Variants in ITGA9 observed in about 807,000 individuals in gnomAD.
The protein encoded by ITGA9 is integrin alpha-9.
Under a neutral mutation model 127.8 loss-of-function variants are expected in ITGA9, and 56 were observed. The observed-to-expected ratio is 0.44, with a 90% CI of 0.35 to 0.55. ITGA9 has a LOEUF of 0.55. Among genes scored for constraint, ITGA9 ranks in the 20% least tolerant of loss-of-function variants. The pLI is 0.00. For missense variants in ITGA9, 1,196 were observed against 1,347.1 expected (o/e 0.89, Z 1.76); for synonymous variants, 508 against 514.5 (o/e 0.99, Z 0.17).
At chr3:37,582,549 G>A (rs377639869) in intron 15 of ITGA9, among the ~76,000 whole-genome samples, 85 of 152,344 alleles carry the variant, frequency 5.6e-4, no homozygotes, top group African/African-American at 1.9e-3. Flanking sequence ...AGTAGAGTAA[G>A]TAGTGACTGC....
Position 37,461,155 on chromosome 3 carries a change from G to A in ITGA9, c.185+8596G>A, listed in dbSNP as rs180956259. Among the ~76,000 whole-genome samples, 185 of 152,282 alleles carry A rather than the reference G, an allele frequency of 1.2e-3. 1 individual carries two copies. The highest frequency in any genetic ancestry group is 4.4e-3 in the African/African-American group (181 of 41,578). On this transcript the variant is annotated intron_variant, in intron 1 of 27. Transcript: ENST00000264741. Reference sequence around the variant, plus strand: ...TGGATGTTCCAGATTCAGCTGAGTAGTGTTCCTGTCTCTACCTTCATTGAA... The same window carrying A: ...TGGATGTTCCAGATTCAGCTGAGTAATGTTCCTGTCTCTACCTTCATTGAA...
intron 26 of ITGA9, among the ~76,000 whole-genome samples, chr3:37,785,821 C>T (rs750090141): frequency 7.2e-5 from 11 of 152,046 alleles, no homozygotes; most frequent in Admixed American, 3.9e-4. Flanking sequence ...TCCAAATTGC[C>T]AAGACCTAGT....
At chr3:37,708,929 G>A (rs1206691906) in intron 18 of ITGA9, among the ~76,000 whole-genome samples, 1 of 152,358 alleles carries the variant, frequency 6.6e-6, no homozygotes, top group Admixed American at 6.5e-5. Context: ...CAGTGGTTAA[G>A]AGTAGGGTTT....
chr3:37,514,494 G>C (rs1698964637), intron 9 of ITGA9, among the ~76,000 whole-genome samples: 1 of 152,232 alleles, frequency 6.6e-6, no homozygotes, highest in Non-Finnish European at 1.5e-5. Context: ...TGGGCAAGTG[G>C]GTTGGGGTGT....
intron 23 of ITGA9, among the ~76,000 whole-genome samples, chr3:37,752,583 G>A (rs935798598): frequency 5.3e-5 from 8 of 152,198 alleles, no homozygotes; most frequent in Non-Finnish European, 1.0e-4. Flanking sequence ...CTTGGTGTCT[G>A]TATTGCCTGT....
At chr3:37,565,292 A>G (rs901869583) in intron 15 of ITGA9, among the ~76,000 whole-genome samples, 15 of 152,186 alleles carry the variant, frequency 9.9e-5, no homozygotes, top group African/African-American at 3.6e-4. Context: ...GCTTCTGATT[A>G]AAAGCTAGGT....
chr3:37,785,472 TTTTGGTTTGG>T (rs1038049837), intron 26 of ITGA9, among the ~76,000 whole-genome samples: 2 of 151,924 alleles, frequency 1.3e-5, no homozygotes, highest in African/African-American at 4.8e-5. Context: ...AAATACTGTG[TTTTGGTTTGG>T]TTTGGTTTGG....
At chr3:37,663,316 G>T (rs1700555609) in intron 17 of ITGA9, among the ~76,000 whole-genome samples, 1 of 152,184 alleles carries the variant, frequency 6.6e-6, no homozygotes, top group Admixed American at 6.5e-5. Context: ...CATTCCATCA[G>T]AAATCAGTGG....
At chr3:37,718,761 A>G (rs1204857642) in intron 18 of ITGA9, among the ~76,000 whole-genome samples, 2 of 152,160 alleles carry the variant, frequency 1.3e-5, no homozygotes, top group African/African-American at 4.8e-5. Flanking sequence ...CTTTCAGCAA[A>G]TGCATGCCGA....
chr3:37,663,498 G>A (rs539600711), intron 17 of ITGA9, among the ~76,000 whole-genome samples: 13 of 152,248 alleles, frequency 8.5e-5, no homozygotes, highest in African/African-American at 2.2e-4. Context: ...GTGGTGGGGC[G>A]AAGTGCATTT....
At position 37,585,678 on chromosome 3, in the gene ITGA9, C is replaced by T. The variant is rs1699751387; in HGVS notation, c.1689+43093C>T. 1.4e-5 allele frequency: 7 copies of T among 511,682 alleles called. No homozygotes were observed. The East Asian group carries it at 3.4e-4, about 25-fold the overall frequency. The allele number at this position is 511,682 out of a possible 1,614,324, so 31.7% of individuals were successfully genotyped here. ...CTAAAGAAGTCTCAACACAAGGAAACTACAGGTGAAACGTAACAATAGTAA... is the reference window on the plus strand; with the variant it reads ...CTAAAGAAGTCTCAACACAAGGAAATTACAGGTGAAACGTAACAATAGTAA... On this transcript the variant is annotated intron_variant, in intron 15 of 27. Transcript: ENST00000264741.
chr3:37,516,823 G>A (rs1227874706), intron 9 of ITGA9, among the ~76,000 whole-genome samples: 4 of 152,172 alleles, frequency 2.6e-5, no homozygotes, highest in African/African-American at 9.6e-5. Context: ...AGTGATTTGG[G>A]GTGAGAGTAG....
intron 26 of ITGA9, among the ~76,000 whole-genome samples, chr3:37,792,657 G>A (rs935738899): frequency 6.6e-6 from 1 of 152,188 alleles, no homozygotes; most frequent in East Asian, 1.9e-4. Flanking sequence ...ACAAAGGAAA[G>A]CCATTGAAAG....
intron 4 of ITGA9, among the ~76,000 whole-genome samples, chr3:37,490,695 A>T (rs1698660680): frequency 6.6e-6 from 1 of 151,832 alleles, no homozygotes; most frequent in South Asian, 2.1e-4. Flanking sequence ...TGAGTTGCGG[A>T]TTGTGAACAT....
At chr3:37,703,131 CT>C (rs1700965676) in intron 18 of ITGA9, among the ~76,000 whole-genome samples, 1 of 152,184 alleles carries the variant, frequency 6.6e-6, no homozygotes, top group Non-Finnish European at 1.5e-5. Context: ...AGGTCCCCCC[CT>C]TTTTTAATCA....
chr3:37,748,880 G>C, intron 22 of ITGA9: 2 of 1,104,230 alleles, frequency 1.8e-6, no homozygotes, highest in Non-Finnish European at 1.4e-6. Context: ...GCTGGAACCT[G>C]TTCCCTATGA....
chr3:37,481,703 G>A, intron 4 of ITGA9, 96 bp downstream of exon 4: 1 of 1,488,018 alleles, frequency 6.7e-7, no homozygotes, highest in Non-Finnish European at 9.4e-7. Flanking sequence ...CATTTCCCCA[G>A]CTTTCCACAT....
chr3:37,655,469 T>C (rs919063629), intron 17 of ITGA9, among the ~76,000 whole-genome samples: 3 of 152,252 alleles, frequency 2.0e-5, no homozygotes, highest in African/African-American at 4.8e-5. Flanking sequence ...TTTTTTCTTA[T>C]ATTTGTTGGC....
At chr3:37,538,661 T>G (rs1280629353) in intron 14 of ITGA9, among the ~76,000 whole-genome samples, 3 of 152,194 alleles carry the variant, frequency 2.0e-5, no homozygotes, top group Non-Finnish European at 4.4e-5. Context: ...ACATGTCCTC[T>G]GCTTCCCTTT....
Sources: gnomAD v4.1 joint callset for allele counts (sites outside exome capture counted in the v4.1 genomes callset) on GRCh38, gnomAD v4.1.1 for gene constraint, MANE v1.5 for transcripts, NCBI Gene and HGNC (gene_info 2026-07-23, HGNC 2026-07-21) for gene names.